The following DAZAP1 variants were observed in gnomAD, a reference collection of about 807,000 sequenced individuals.
DAZAP1 encodes DAZ associated protein 1, also known as DAZ-associated protein 1.
DAZAP1 carries 6 observed loss-of-function variants against 60.1 expected under a neutral mutation model. That is an observed-to-expected ratio of 0.10 (90% CI 0.05 to 0.20). The LOEUF (loss-of-function observed/expected upper bound fraction) is 0.20, where lower values mean the gene tolerates loss of function less well. DAZAP1 is among the 10% of genes least tolerant of loss of function. The pLI is 1.00. For synonymous variants in DAZAP1, 235 were observed against 215.9 expected, an observed-to-expected ratio of 1.09 and a Z score of -0.78; for missense variants, 366 against 560.4, an observed-to-expected ratio of 0.65 and a Z score of 3.50.
rs2083287184 is a variant in DAZAP1, at chr19:1,425,569, G to A, written c.464-309G>A. Among the ~76,000 whole-genome samples the A allele has an allele frequency of 6.6e-6, 1 of 152,230 alleles. No individual in the cohort carries two copies. The highest frequency in any genetic ancestry group is 1.5e-5 in the Non-Finnish European group (1 of 68,042). ...CCCTGTCTCCGCTGCTGTTTTATAA[G>A]ATGTGCTCCTTGTTCCAAATCTTTG... On this transcript the variant is annotated intron_variant, in intron 6 of 11. Coordinates refer to ENST00000233078, the MANE Select transcript of DAZAP1 (RefSeq NM_018959.4). This position sits in a 1 kb window ranked among gnomAD's most constrained non-coding sequence, Gnocchi z 5.4.
chr19:1,430,655 C>T (rs1393264093), intron 10 of DAZAP1, among the ~76,000 whole-genome samples: 1 of 151,942 alleles, frequency 6.6e-6, no homozygotes, highest in Admixed American at 6.6e-5. Context: ...AGAGCCTGGA[C>T]TTCGTGTCTT....
Position 1,433,678 on chromosome 19 carries a change from T to G in DAZAP1, c.1048+988T>G. 1 of 1,414,146 alleles carries G rather than the reference T, an allele frequency of 7.1e-7. No individual in the cohort carries two copies. Among genetic ancestry groups the G allele is most frequent in the South Asian group, 1.2e-5 (1 of 86,810 alleles). 87.6% of individuals were successfully genotyped at this position (1,414,146 alleles called of 1,614,324 possible). A position where few individuals can be genotyped will look rare whatever the true frequency, so the allele number is the denominator to read the frequency against. ...GCGCCCGGTTGGGGCGTGGCGTGTG[T>G]CAGCCGCTGCTCTTGGTGGCGGCTG... On this transcript the variant is annotated intron_variant, in intron 11 of 11. Coordinates refer to ENST00000233078, the MANE Select transcript of DAZAP1 (RefSeq NM_018959.4). The surrounding 1 kb of genome is among the most constrained non-coding windows in gnomAD (Gnocchi z 6.1).
intron 7 of DAZAP1, chr19:1,427,331 C>T (rs777804942): frequency 2.9e-4 from 44 of 152,340 alleles, no homozygotes; most frequent in Non-Finnish European, 5.3e-4. Flanking sequence ...GTCCCCCCAG[C>T]CATGACTGTT....
chr19:1,430,269 C>T lies in DAZAP1; in HGVS notation c.778C>T (p.Pro260Ser). The change falls in exon 10 of 12, where the codon CCA (proline) becomes TCA (serine). Residue 260 changes from proline to serine, a missense_variant. Pro to Ser is a moderately conservative substitution (Grantham distance 74). Around this residue, in one of 3 missense-constraint regions of DAZAP1, gnomAD observed 240 missense variants for 308.8 expected, o/e 0.78. Coordinates refer to ENST00000233078, the MANE Select transcript of DAZAP1 (RefSeq NM_018959.4). ...AGGAAGAGGAGCCCCCCCGCCACCC[C>T]CACCGTTCACCTCCTACATCGTGTC... ...PAGRGAPPPP[P>S]PFTSYIVSTP... 7.4e-7 allele frequency: 1 copy of T among 1,356,194 alleles called. No homozygotes were observed. The highest frequency in any genetic ancestry group is 1.0e-6 in the Non-Finnish European group (1 of 971,282). The allele number at this position is 1,356,194 out of a possible 1,614,324, so 84.0% of individuals were successfully genotyped here. A position where few individuals can be genotyped will look rare whatever the true frequency, so the allele number is the denominator to read the frequency against.
chr19:1,413,385 C>T (rs566943969), intron 1 of DAZAP1, among the ~76,000 whole-genome samples: 1 of 152,360 alleles, frequency 6.6e-6, no homozygotes, highest in African/African-American at 2.4e-5. Flanking sequence ...TCACTCACGA[C>T]CTGGTGAGGT....
chr19:1,426,629 A>G lies in DAZAP1; in HGVS notation c.546+669A>G, dbSNP rs1367018760. 1 of 152,232 alleles carries G rather than the reference A, an allele frequency of 6.6e-6. No homozygotes were observed. Among genetic ancestry groups the G allele is most frequent in the Non-Finnish European group, 1.5e-5 (1 of 68,066 alleles). 9.4% of individuals were successfully genotyped at this position (152,232 alleles called of 1,614,324 possible). A position where few individuals can be genotyped will look rare whatever the true frequency, so the allele number is the denominator to read the frequency against. On this transcript the variant is annotated intron_variant, in intron 7 of 11. Transcript: ENST00000233078. The surrounding 1 kb of genome is among the most constrained non-coding windows in gnomAD (Gnocchi z 5.4). Reference sequence around the variant, plus strand: ...GCATGTGTCAGAAAGGGGTCCCTAAATCCTTGTTTTACCTGGACCCTTGGA... The same window carrying G: ...GCATGTGTCAGAAAGGGGTCCCTAAGTCCTTGTTTTACCTGGACCCTTGGA...
chr19:1,418,834 G>T lies in DAZAP1; in HGVS notation c.303+103G>T. On this transcript the variant is annotated intron_variant, in intron 4 of 11. Transcript: ENST00000233078. This position sits in a 1 kb window ranked among gnomAD's most constrained non-coding sequence, Gnocchi z 5.7. ...GTTGTCGCTCGTTAAGATTGAGGGCGACGCAGGTCTTCTGGGTTGGCACTC... is the reference window on the plus strand; with the variant it reads ...GTTGTCGCTCGTTAAGATTGAGGGCTACGCAGGTCTTCTGGGTTGGCACTC... 1 of 1,231,682 alleles carries T rather than the reference G, an allele frequency of 8.1e-7. No homozygotes were observed. Among genetic ancestry groups the T allele is most frequent in the East Asian group, 2.4e-5 (1 of 41,022 alleles). 76.3% of individuals were successfully genotyped at this position (1,231,682 alleles called of 1,614,324 possible).
chr19:1,418,408 C>T lies in DAZAP1; in HGVS notation c.237+38C>T, dbSNP rs766975929. ...CCGGGAGCTCACACCCGCTCTCTGT[C>T]TCCCCTGTCCTTCCTCTGCTTCATT... On this transcript the variant is annotated intron_variant, in intron 3 of 11. Transcript: ENST00000233078. The surrounding 1 kb of genome is among the most constrained non-coding windows in gnomAD (Gnocchi z 5.7). The T allele has an allele frequency of 8.7e-6, 14 of 1,601,052 alleles. No homozygotes were observed. The South Asian group carries it at 1.5e-4, about 18-fold the overall frequency.
At chr19:1,424,504 A>G (rs1351716334) in intron 6 of DAZAP1, among the ~76,000 whole-genome samples, 2 of 149,654 alleles carry the variant, frequency 1.3e-5, no homozygotes, top group Non-Finnish European at 1.5e-5. Context: ...CCCCGTTTCC[A>G]TCTTTCCCCG....
In DAZAP1 at chr19:1,428,613, T is replaced by TA. The variant is rs1471758593; in HGVS notation, c.547-228dup. 16 of 548,558 alleles carry TA rather than the reference T, an allele frequency of 2.9e-5. No individual in the cohort carries two copies. Among genetic ancestry groups the TA allele is most frequent in the Non-Finnish European group, 4.7e-5 (15 of 320,590 alleles). 34.0% of individuals were successfully genotyped at this position (548,558 alleles called of 1,614,324 possible). A position where few individuals can be genotyped will look rare whatever the true frequency, so the allele number is the denominator to read the frequency against. ...CGCAGTGGGCGGGCTCTGTGTGTCTTACGGTTGCATCTGTTGTACCTGAGA... is the reference window on the plus strand; with the variant it reads ...CGCAGTGGGCGGGCTCTGTGTGTCTTAACGGTTGCATCTGTTGTACCTGAGA... On this transcript the variant is annotated intron_variant, in intron 7 of 11. Coordinates refer to ENST00000233078, the MANE Select transcript of DAZAP1 (RefSeq NM_018959.4). This position sits in a 1 kb window ranked among gnomAD's most constrained non-coding sequence, Gnocchi z 4.0.
Position 1,434,497 on chromosome 19 carries a change from T to G in DAZAP1, c.1049-240T>G. 2.1e-6 allele frequency: 1 copy of G among 487,428 alleles called. No homozygotes were observed. The highest frequency in any genetic ancestry group is 3.7e-6 in the Non-Finnish European group (1 of 273,464). 30.2% of individuals were successfully genotyped at this position (487,428 alleles called of 1,614,324 possible). A position where few individuals can be genotyped will look rare whatever the true frequency, so the allele number is the denominator to read the frequency against. On this transcript the variant is annotated intron_variant, in intron 11 of 11. Coordinates refer to ENST00000233078, the MANE Select transcript of DAZAP1 (RefSeq NM_018959.4). This position sits in a 1 kb window ranked among gnomAD's most constrained non-coding sequence, Gnocchi z 8.0. ...GGAAGCGGTGAGGTTACGTGGGCCA[T>G]GGAGGGCTCTGGAAGCCGCTTTTCT...
At position 1,418,452 on chromosome 19, in the gene DAZAP1, G is replaced by A. The variant is rs183563537; in HGVS notation, c.237+82G>A. The stretch of plus-strand genomic sequence containing the variant: ...CTTCATTTTTTCCTGGACTCTGACC[G>A]ATGTTTGCGTTAGAGTATGTTTGAA... On this transcript the variant is annotated intron_variant, in intron 3 of 11. Transcript: ENST00000233078. This position sits in a 1 kb window ranked among gnomAD's most constrained non-coding sequence, Gnocchi z 5.7. The A allele has an allele frequency of 1.9e-4, 288 of 1,539,330 alleles. No individual in the cohort carries two copies. The African/African-American group carries it at 3.2e-3, about 17-fold the overall frequency.
intron 1 of DAZAP1, among the ~76,000 whole-genome samples, chr19:1,408,896 G>T (rs1392960190): frequency 6.6e-6 from 1 of 152,230 alleles, no homozygotes; most frequent in Non-Finnish European, 1.5e-5. Flanking sequence ...TTTCCTAGTG[G>T]TCTGGTGTAA....
At chr19:1,415,393 TG>T (rs1367824068) in intron 1 of DAZAP1, among the ~76,000 whole-genome samples, 53 of 100,914 alleles carry the variant, frequency 5.3e-4, no homozygotes, top group Non-Finnish European at 7.7e-4. Flanking sequence ...GTGTGTGTTT[TG>T]TTTTTTTTTT....
At chr19:1,420,852 A>G (rs1374001959) in intron 4 of DAZAP1, among the ~76,000 whole-genome samples, 1 of 152,170 alleles carries the variant, frequency 6.6e-6, no homozygotes, top group African/African-American at 2.4e-5. Flanking sequence ...TCCACGTGGC[A>G]GTGGTTGTAA....
At position 1,422,696 on chromosome 19, in the gene DAZAP1, G is replaced by A. The variant is rs1441591547; in HGVS notation, c.463+300G>A. Among the ~76,000 whole-genome samples the A allele has an allele frequency of 6.6e-6, 1 of 152,038 alleles. No homozygotes were observed. The highest frequency in any genetic ancestry group is 2.4e-5 in the African/African-American group (1 of 41,396). On this transcript the variant is annotated intron_variant, in intron 6 of 11. Coordinates refer to ENST00000233078, the MANE Select transcript of DAZAP1 (RefSeq NM_018959.4). The surrounding 1 kb of genome is among the most constrained non-coding windows in gnomAD (Gnocchi z 4.5). ...CTGTCCGGAAGAGTGTGGTCCTTCT[G>A]CATTTGACCTTCCTTCACCCTCATC... is the stretch of plus-strand genomic sequence containing the variant.
chr19:1,409,265 G>T (rs1054526097), intron 1 of DAZAP1, among the ~76,000 whole-genome samples: 3 of 152,212 alleles, frequency 2.0e-5, no homozygotes, highest in South Asian at 2.1e-4. Context: ...CGACTTTGGG[G>T]TGAGGCAGGG....
Position 1,418,311 on chromosome 19 carries a change from G to C in DAZAP1, c.178G>C (p.Asp60His). ...SRGFGFVKFK[D>H]PNCVGTVLAS... ...AGGCTTTGGGTTTGTCAAATTTAAA[G>C]ACCCAAACTGTGTGGGGACGGTGCT... The change falls in exon 3 of 12, where the codon GAC becomes CAC. Residue 60 changes from aspartate (D) to histidine (H), a missense_variant. By Grantham distance (81) the Asp-to-His change is moderately conservative. Coordinates refer to ENST00000233078, the MANE Select transcript of DAZAP1 (RefSeq NM_018959.4). The surrounding 1 kb of genome is among the most constrained non-coding windows in gnomAD (Gnocchi z 5.7). 1 of 1,614,142 alleles carries C rather than the reference G, an allele frequency of 6.2e-7. No homozygotes were observed. Among genetic ancestry groups the C allele is most frequent in the Non-Finnish European group, 8.5e-7 (1 of 1,180,036 alleles).
chr19:1,433,792 A>C lies in DAZAP1; in HGVS notation c.1049-945A>C, dbSNP rs904303305. ...GGGCTGCGGCCCACACTTTGTTTAC[A>C]GTCTTATGGTCAGGCTGAGCAGTGA... On this transcript the variant is annotated intron_variant, in intron 11 of 11. Transcript: ENST00000233078. The surrounding 1 kb of genome is among the most constrained non-coding windows in gnomAD (Gnocchi z 6.1). 6.2e-7 allele frequency: 1 copy of C among 1,613,848 alleles called. No individual in the cohort carries two copies. The highest frequency in any genetic ancestry group is 1.3e-5 in the African/African-American group (1 of 74,920).
Sources: allele counts gnomAD v4.1 joint callset (sites outside exome capture counted in the v4.1 genomes callset), GRCh38; gene constraint gnomAD v4.1.1; regional missense constraint gnomAD v4.1.1; non-coding constraint Gnocchi (gnomAD v3.1); transcripts MANE v1.5; gene names NCBI Gene and HGNC (gene_info 2026-07-23, HGNC 2026-07-21).